The following TBL1Y variants were observed in gnomAD, a reference collection of about 807,000 sequenced individuals.
TBL1Y encodes the protein F-box-like/WD repeat-containing protein TBL1Y.
Under a neutral mutation model 12.0 loss-of-function variants are expected in TBL1Y, and 15 were observed. The ratio of observed to expected loss-of-function variants is 1.25; its 90% CI spans 0.83 to 1.92. The LOEUF (loss-of-function observed/expected upper bound fraction) is 1.92. Ranked by LOEUF, TBL1Y falls within the 40% of genes most tolerant of loss-of-function variation. TBL1Y has a pLI of 0.00. For missense variants in TBL1Y, 148 were observed against 116.7 expected (o/e 1.27, Z -1.24); for synonymous variants, 53 against 42.6 (o/e 1.24, Z -0.95).
chrY:6,940,209 C>G (rs2011943066), intron 2 of TBL1Y, among the ~76,000 whole-genome samples: 1 of 28,999 alleles, frequency 3.4e-5, no homozygotes, highest in African/African-American at 1.4e-4. Context: ...TTGCAGTAAG[C>G]GGAGATCGCA....
intron 2 of TBL1Y, among the ~76,000 whole-genome samples, chrY:6,926,597 T>G (rs938077446): frequency 2.9e-5 from 1 of 34,207 alleles, no homozygotes; most frequent in Admixed American, 2.7e-4. Context: ...TTTATTTATG[T>G]ATTTATTTAA....
chrY:7,085,197 G>GAC (rs1603051723), intron 14 of TBL1Y, among the ~76,000 whole-genome samples: 1 of 21,777 alleles, frequency 4.6e-5, no homozygotes, highest in African/African-American at 1.9e-4. Flanking sequence ...CACACACACA[G>GAC]ACACACACAC....
intron 3 of TBL1Y, among the ~76,000 whole-genome samples, chrY:6,982,452 CCAAA>C: frequency 3.1e-5 from 1 of 32,205 alleles, no homozygotes; most frequent in Non-Finnish European, 7.5e-5. Flanking sequence ...GACCCTGTCT[CCAAA>C]CAAACAAACA....
At chrY:7,088,265 G>T in intron 17 of TBL1Y, among the ~76,000 whole-genome samples, 1 of 32,936 alleles carries the variant, frequency 3.0e-5, no homozygotes, top group Admixed American at 2.8e-4. Flanking sequence ...TAACCAAGGG[G>T]TCCCTTTAAT....
chrY:6,986,676 G>T (rs2124130879), intron 3 of TBL1Y, among the ~76,000 whole-genome samples: 1 of 30,141 alleles, frequency 3.3e-5, no homozygotes, highest in South Asian at 8.4e-4. Flanking sequence ...ACGTCCATAG[G>T]ATGGGTCCTA....
intron 2 of TBL1Y, among the ~76,000 whole-genome samples, chrY:6,947,805 C>T: frequency 2.9e-5 from 1 of 33,966 alleles, no homozygotes; most frequent in Non-Finnish European, 7.3e-5. Context: ...TAATAACACT[C>T]AAGGAATTTT....
intron 4 of TBL1Y, among the ~76,000 whole-genome samples, chrY:7,001,310 A>G (rs2012449477): frequency 9.0e-5 from 3 of 33,397 alleles, no homozygotes; most frequent in African/African-American, 3.5e-4. Flanking sequence ...AGAACTTGCA[A>G]TAACTGAGTC....
rs750807925 is a variant in TBL1Y at position 6,952,786 on chromosome Y, G to A, written c.-265-25427G>A. ...CTTCCTGGCATCGATGGTCTTTACAGTTTGGCATGTTTTTACAGCGGCTGG... is the reference window on the plus strand; with the variant it reads ...CTTCCTGGCATCGATGGTCTTTACAATTTGGCATGTTTTTACAGCGGCTGG... On this transcript the variant is annotated intron_variant, in intron 2 of 18. Transcript: ENST00000383032. 1.8e-4 allele frequency among the ~76,000 whole-genome samples: 6 copies of A among 33,463 alleles called. No individual in the cohort carries two copies. The South Asian group carries it at 4.1e-3, about 23-fold the overall frequency. The allele number at this position is 33,463 out of a possible 37,273, so 89.8% of individuals were successfully genotyped here. A position where few individuals can be genotyped will look rare whatever the true frequency, so the allele number is the denominator to read the frequency against.
chrY:6,942,458 T>C (rs2124105077), intron 2 of TBL1Y, among the ~76,000 whole-genome samples: 1 of 32,876 alleles, frequency 3.0e-5, no homozygotes, highest in African/African-American at 1.2e-4. Flanking sequence ...GGCCTGGGAC[T>C]AGAGGCCAGG....
At chrY:7,085,161 T>TAC (rs35028329) in intron 14 of TBL1Y, among the ~76,000 whole-genome samples, 56 of 16,929 alleles carry the variant, frequency 3.3e-3, no homozygotes, top group South Asian at 0.011. Context: ...CTGTAAAAAA[T>TAC]ACACACACAC....
At position 7,071,762 on chromosome Y, in the gene TBL1Y, A is replaced by G; in HGVS notation, c.826A>G (p.Lys276Glu). 7.5e-6 allele frequency: 3 copies of G among 398,057 alleles called. No individual in the cohort carries two copies. The highest frequency in any genetic ancestry group is 1.1e-5 in the Non-Finnish European group (3 of 283,242). ...CCTGGCCAGCACCTTAGGCCAACAT[A>G]AAGGCCCCATCTTCGCTCTGAAATG... ...GNLASTLGQH[K>E]GPIFALKWNK... The change falls in exon 12 of 19, where the codon AAA (lysine) becomes GAA (glutamate). Residue 276 changes from lysine to glutamate, a missense_variant. By Grantham distance (56) the Lys-to-Glu change is moderately conservative (BLOSUM62 1). Coordinates refer to ENST00000383032, the MANE Select transcript of TBL1Y (RefSeq NM_033284.2).
intron 2 of TBL1Y, among the ~76,000 whole-genome samples, chrY:6,940,559 C>T (rs934189415): frequency 3.0e-5 from 1 of 32,788 alleles, no homozygotes; most frequent in Non-Finnish European, 7.5e-5. Context: ...TGGAAAGCTC[C>T]GAGATTGCTG....
At chrY:6,918,471 C>T in intron 2 of TBL1Y, among the ~76,000 whole-genome samples, 1 of 33,604 alleles carries the variant, frequency 3.0e-5, no homozygotes, top group Non-Finnish European at 7.4e-5. Context: ...GTGGTGCGAT[C>T]TCAGCTCAGT....
At chrY:7,074,491 A>G in intron 12 of TBL1Y, 69 bp from the exon 13 acceptor site, 1 of 339,221 alleles carries the variant, frequency 2.9e-6, no homozygotes. Context: ...CTTTTCTTGT[A>G]TGATACATGT....
intron 14 of TBL1Y, among the ~76,000 whole-genome samples, chrY:7,082,438 TA>T (rs2013104866): frequency 3.0e-5 from 1 of 33,382 alleles, no homozygotes; most frequent in African/African-American, 1.2e-4. Context: ...GGTATACCAT[TA>T]AACACATTTA....
intron 2 of TBL1Y, among the ~76,000 whole-genome samples, chrY:6,961,920 G>A (rs766341229): frequency 1.5e-4 from 5 of 33,633 alleles, no homozygotes; most frequent in Admixed American, 5.4e-4. Flanking sequence ...CCCATTATCC[G>A]TTTTAATTTT....
intron 4 of TBL1Y, among the ~76,000 whole-genome samples, chrY:7,003,727 G>C (rs2012467646): frequency 3.0e-5 from 1 of 33,335 alleles, no homozygotes; most frequent in Non-Finnish European, 7.4e-5. Context: ...AGGATATAGG[G>C]AACTTGCCAT....
At chrY:6,926,631 AG>A (rs2011826952) in intron 2 of TBL1Y, among the ~76,000 whole-genome samples, 9 of 33,781 alleles carry the variant, frequency 2.7e-4, no homozygotes, top group Non-Finnish European at 2.2e-4. Context: ...TTTGAAATGG[AG>A]TCTTGCTCTG....
At chrY:6,934,229 C>T in intron 2 of TBL1Y, among the ~76,000 whole-genome samples, 6 of 33,300 alleles carry the variant, frequency 1.8e-4, no homozygotes, top group African/African-American at 4.7e-4. Context: ...CCCTGAATAA[C>T]GAGTGTCCAC....
Sources: gnomAD v4.1 joint callset for allele counts (sites outside exome capture counted in the v4.1 genomes callset) on GRCh38, gnomAD v4.1.1 for gene constraint, MANE v1.5 for transcripts, NCBI Gene and HGNC (gene_info 2026-07-23, HGNC 2026-07-21) for gene names.